Variants in SYF2 observed in about 807,000 individuals in gnomAD.
SYF2 encodes pre-mRNA-splicing factor SYF2.
In SYF2, 21 loss-of-function variants were observed where a neutral mutation model predicts 32.7. That is an observed-to-expected ratio of 0.64 (90% CI 0.45 to 0.92). The LOEUF (loss-of-function observed/expected upper bound fraction) is 0.92, where lower values mean the gene tolerates loss of function less well. SYF2 is among the 40% of genes least tolerant of loss of function. The pLI is 0.00. For missense variants in SYF2, 278 were observed against 296.5 expected (o/e 0.94, Z 0.46); for synonymous variants, 114 against 103.9 (o/e 1.10, Z -0.59).
chr1:25,225,019 G>T lies in SYF2; in HGVS notation c.549C>A (p.Val183=). Reference sequence around the variant, plus strand: ...ATACTTACTGTTTTTCCAGATCTATGACCATCCTGTCAATTTCCTCTGTGG... The same window carrying T: ...ATACTTACTGTTTTTCCAGATCTATTACCATCCTGTCAATTTCCTCTGTGG... ...VPSTEEIDRM[V]IDLEKQIEKR... The change falls in exon 6 of 7, where the codon GTC becomes GTA. Residue 183 remains valine, a synonymous_variant. Transcript: ENST00000236273. The T allele has an allele frequency of 6.2e-7, 1 of 1,613,376 alleles. No individual in the cohort carries two copies. The highest frequency in any genetic ancestry group is 1.1e-5 in the South Asian group (1 of 91,028).
intron 6 of SYF2, among the ~76,000 whole-genome samples, chr1:25,224,032 A>G (rs760092156): frequency 1.6e-4 from 25 of 152,106 alleles, no homozygotes; most frequent in Admixed American, 7.2e-4. Flanking sequence ...CGTCTCTACT[A>G]AAAATACAAA....
At chr1:25,225,595 C>T (rs1432866492) in intron 5 of SYF2, among the ~76,000 whole-genome samples, 1 of 152,062 alleles carries the variant, frequency 6.6e-6, no homozygotes, top group Non-Finnish European at 1.5e-5. Flanking sequence ...CGCAGTGGCT[C>T]ACGCCTGTAA....
In SYF2 at chr1:25,223,479, G is replaced by C. The variant is rs12089925; in HGVS notation, c.567-48C>G. The C allele has an allele frequency of 8.1e-3, 12,666 of 1,570,466 alleles. 860 individuals carry two copies. In the African/African-American group the frequency reaches 0.15, roughly 18 times the overall value. On this transcript the variant is annotated intron_variant, in intron 6 of 6. Transcript: ENST00000236273. The stretch of plus-strand genomic sequence containing the variant: ...AAAATTCAAAATTGCCTTCTCTTTT[G>C]ATCTTAATAAAACACAACCAAACAG...
chr1:25,229,228 C>T (rs1638579591), intron 2 of SYF2, 105 bp from the exon 3 acceptor site: 15 of 1,350,226 alleles, frequency 1.1e-5, no homozygotes, highest in Non-Finnish European at 1.4e-5. Context: ...AATAAGCTGA[C>T]CCCATTTTAT....
In SYF2 at chr1:25,226,943, T is replaced by C. The variant is rs967546677; in HGVS notation, c.467+499A>G. The stretch of plus-strand genomic sequence containing the variant: ...TTACAGTGAGTTATGACAGTGTCAA[T>C]GCACTCCAGCTTAAGCAACAGAGCG... On this transcript the variant is annotated intron_variant, in intron 5 of 6. Transcript: ENST00000236273. Among the ~76,000 whole-genome samples the C allele has an allele frequency of 5.3e-5, 8 of 150,896 alleles. 1 individual carries two copies. The South Asian group carries it at 1.0e-3, about 20-fold the overall frequency.
In SYF2 at chr1:25,223,368, G is replaced by A; in HGVS notation, c.630C>T (p.Tyr210=). ...RPYNDDADID[Y]INERNAKFNK... is the part of the protein sequence containing the mutation. ...TGAATTTGGCATTCCTTTCATTAAT[G>A]TAGTCGATATCTGCATCATCATTAT... Residue 210 remains tyrosine (Y), a synonymous_variant, in exon 7 of 7, where the codon TAC becomes TAT. Transcript: ENST00000236273. 6.2e-7 allele frequency: 1 copy of A among 1,613,952 alleles called. No homozygotes were observed. The highest frequency in any genetic ancestry group is 8.5e-7 in the Non-Finnish European group (1 of 1,179,962).
intron 2 of SYF2, 161 bp downstream of exon 2, chr1:25,231,943 A>G (rs1309379731): frequency 3.0e-5 from 22 of 740,782 alleles, no homozygotes; most frequent in African/African-American, 1.7e-4. Flanking sequence ...AATGATCCCA[A>G]TGTGCTGCCA....
chr1:25,225,555 G>T (rs935198725), intron 5 of SYF2, among the ~76,000 whole-genome samples: 1 of 150,006 alleles, frequency 6.7e-6, no homozygotes, highest in Non-Finnish European at 1.5e-5. Context: ...TTAATTAAAA[G>T]AATTAAAATA....
intron 2 of SYF2, among the ~76,000 whole-genome samples, chr1:25,229,891 A>G (rs895198172): frequency 2.0e-5 from 3 of 151,206 alleles, no homozygotes; most frequent in Non-Finnish European, 2.9e-5. Context: ...ATCTCAGCTC[A>G]TTTCAACTTT....
chr1:25,231,396 C>A (rs1036947020), intron 2 of SYF2: 1 of 152,248 alleles, frequency 6.6e-6, no homozygotes, highest in African/African-American at 2.4e-5. Context: ...AATACAAATT[C>A]TCTTTCTTTG....
Position 25,224,945 on chromosome 1 carries a change from T to C in SYF2, c.566+57A>G, listed in dbSNP as rs867863794. The C allele has an allele frequency of 4.8e-5, 57 of 1,198,862 alleles. 1 individual carries two copies. In the South Asian group the frequency reaches 4.9e-4, roughly 10 times the overall value. 74.3% of individuals were successfully genotyped at this position (1,198,862 alleles called of 1,614,324 possible). A position where few individuals can be genotyped will look rare whatever the true frequency, so the allele number is the denominator to read the frequency against. On this transcript the variant is annotated intron_variant, in intron 6 of 6. Coordinates refer to ENST00000236273, the MANE Select transcript of SYF2 (RefSeq NM_015484.5). ...GCACGTCAGATATAGGTGCATATTC[T>C]AAGTGCATTTTGTCATGAAGTATTT... is the stretch of plus-strand genomic sequence containing the variant.
chr1:25,227,383 GTA>G, intron 5 of SYF2, 57 bp downstream of exon 5: 1 of 1,307,580 alleles, frequency 7.6e-7, no homozygotes, highest in East Asian at 2.3e-5. Context: ...TTATGTACAT[GTA>G]TACACACACA....
intron 6 of SYF2, among the ~76,000 whole-genome samples, chr1:25,223,643 C>A (rs1412526151): frequency 6.6e-6 from 1 of 152,164 alleles, no homozygotes; most frequent in Non-Finnish European, 1.5e-5. Flanking sequence ...ACAAATTCAT[C>A]TTCAGAATGC....
intron 2 of SYF2, among the ~76,000 whole-genome samples, chr1:25,229,637 T>C (rs1638587659): frequency 6.6e-6 from 1 of 151,964 alleles, no homozygotes; most frequent in Non-Finnish European, 1.5e-5. Flanking sequence ...TAGCGAGGCA[T>C]GGTGGTGCAC....
chr1:25,231,713 ATTATTTT>A (rs1638633939), intron 2 of SYF2: 3 of 194,000 alleles, frequency 1.5e-5, no homozygotes, highest in South Asian at 1.9e-4. Context: ...ACAGAAGATT[ATTATTTT>A]TTAAAGTGAA....
intron 2 of SYF2, among the ~76,000 whole-genome samples, chr1:25,230,107 C>T (rs1046498076): frequency 1.3e-5 from 2 of 152,130 alleles, no homozygotes; most frequent in African/African-American, 4.8e-5. Context: ...CATGTGCCAC[C>T]ACACCAGGCC....
chr1:25,232,489 C>G lies in SYF2; in HGVS notation c.-22G>C, dbSNP rs765644598. The G allele has an allele frequency of 4.3e-6, 7 of 1,614,118 alleles. 1 individual carries two copies. The South Asian group carries it at 6.6e-5, about 15-fold the overall frequency. On this transcript the variant is annotated 5_prime_UTR_variant, in exon 1 of 7. Transcript: ENST00000236273. ...CCATCACAACCTTTCTCTCTTCCCA[C>G]TTCCGGCAACAAGATAGAGCACTTC...
At chr1:25,226,593 C>A (rs1354353787) in intron 5 of SYF2, among the ~76,000 whole-genome samples, 1 of 152,184 alleles carries the variant, frequency 6.6e-6, no homozygotes, top group African/African-American at 2.4e-5. Context: ...AGGGTGTTAA[C>A]CAATCAACAA....
In SYF2 at chr1:25,232,470, C is replaced by A; in HGVS notation, c.-3G>T. ...TCGGATGCAGCTATAGCCGCCATCA[C>A]AACCTTTCTCTCTTCCCACTTCCGG... On this transcript the variant is annotated 5_prime_UTR_variant, in exon 1 of 7. Coordinates refer to ENST00000236273, the MANE Select transcript of SYF2 (RefSeq NM_015484.5). 1.9e-6 allele frequency: 3 copies of A among 1,614,226 alleles called. No homozygotes were observed. In the South Asian group the frequency reaches 3.3e-5, roughly 18 times the overall value.
Sources: gnomAD v4.1 joint callset for allele counts (sites outside exome capture counted in the v4.1 genomes callset) on GRCh38, gnomAD v4.1.1 for gene constraint, MANE v1.5 for transcripts, NCBI Gene and HGNC (gene_info 2026-07-23, HGNC 2026-07-21) for gene names.